PDZK1: variants seen among roughly 807,000 people sequenced by gnomAD.
PDZK1 encodes PDZ domain containing 1.
In PDZK1, 23 loss-of-function variants were observed where a neutral mutation model predicts 38.1. The observed-to-expected ratio is 0.60, with a 90% CI of 0.43 to 0.85. The LOEUF (loss-of-function observed/expected upper bound fraction) is 0.85. Ranked by LOEUF, PDZK1 falls within the 40% of genes least tolerant of loss-of-function variation. The pLI, the probability that PDZK1 is intolerant of heterozygous loss-of-function variation, is 0.00. For synonymous variants in PDZK1, 98 were observed against 186.2 expected (o/e 0.53, Z 3.86); for missense variants, 297 against 504.3 (o/e 0.59, Z 3.94).
chr1:145,686,491 A>G lies in PDZK1; in HGVS notation c.446T>C (p.Leu149Pro). Residue 149 changes from leucine to proline, a missense_variant, in exon 3 of 9, where the codon CTG becomes CCG. Around this residue, in one of 5 missense-constraint regions of PDZK1, gnomAD observed 159 missense variants for 200.0 expected, o/e 0.79. Coordinates refer to ENST00000417171, the MANE Select transcript of PDZK1 (RefSeq NM_001201325.2). ...AAAATTCTCACCTTGGACAGTTTTC[A>G]GAGAGAAGCCATAGCTGCCTCCTTC... ...VKEGGSYGFS[L>P]KTVQGKKGVY... The G allele has an allele frequency of 1.2e-6, 2 of 1,612,040 alleles. No homozygotes were observed. The highest frequency in any genetic ancestry group is 1.3e-5 in the African/African-American group (1 of 74,972).
At chr1:145,670,968 A>G (rs1216549256), downstream of PDZK1, 1 of 153,302 alleles carries the variant, frequency 6.5e-6, no homozygotes, top group Non-Finnish European at 1.4e-5. Flanking sequence ...CAAAAGCACT[A>G]TCAAGCATAC....
At position 145,692,926 on chromosome 1, in the gene PDZK1, G is replaced by A. The variant is rs587692134; in HGVS notation, c.-2-4903C>T. ...GGTGGCGGCGTGAGGCAGGAGAATC[G>A]CTTGAACCCGGGAGGTGGAGCTTGC... On this transcript the variant is annotated intron_variant, in intron 1 of 8. Coordinates refer to ENST00000417171, the MANE Select transcript of PDZK1 (RefSeq NM_001201325.2). Among the ~76,000 whole-genome samples the A allele has an allele frequency of 4.6e-4, 69 of 151,588 alleles. No homozygotes were observed. The East Asian group carries it at 0.012, about 26-fold the overall frequency.
chr1:145,695,202 C>T, intron 1 of PDZK1, among the ~76,000 whole-genome samples: 1 of 152,130 alleles, frequency 6.6e-6, no homozygotes, highest in South Asian at 2.1e-4. Context: ...GGGCAGATCA[C>T]TTGAGGTCAG....
At chr1:145,681,130 G>A (rs781927686) in intron 4 of PDZK1, 23 bp from the exon 5 acceptor site, 59 of 492,382 alleles carry the variant, frequency 1.2e-4, no homozygotes, top group East Asian at 1.2e-3. Context: ...ACACAGATGA[G>A]GAATGACATC....
chr1:145,690,978 G>C (rs1369971505), intron 1 of PDZK1, among the ~76,000 whole-genome samples: 1 of 152,122 alleles, frequency 6.6e-6, no homozygotes, highest in Admixed American at 6.5e-5. Flanking sequence ...TTTTTTGTCT[G>C]GTTGAAGCCA....
intron 1 of PDZK1, among the ~76,000 whole-genome samples, chr1:145,702,859 C>T (rs1553705190): frequency 6.6e-6 from 1 of 152,146 alleles, no homozygotes. Flanking sequence ...TGCCACTGCA[C>T]CCCAGCCTGG....
intron 2 of PDZK1, among the ~76,000 whole-genome samples, chr1:145,687,608 C>A (rs1553702095): frequency 6.6e-6 from 1 of 150,584 alleles, no homozygotes; most frequent in Non-Finnish European, 1.5e-5. Context: ...TAACGCTATT[C>A]AAATCCAAGA....
At chr1:145,676,076 T>C (rs1653632188) in intron 6 of PDZK1, 1 of 182,872 alleles carries the variant, frequency 5.5e-6, no homozygotes, top group Non-Finnish European at 1.0e-5. Flanking sequence ...GTCTAGTATG[T>C]GCCAGGGACT....
At chr1:145,675,323 C>T (rs1182761375) in intron 6 of PDZK1, among the ~76,000 whole-genome samples, 3 of 142,642 alleles carry the variant, frequency 2.1e-5, no homozygotes, top group Admixed American at 7.1e-5. Flanking sequence ...CACACGTGTC[C>T]GGAACATTTG....
chr1:145,685,817 A>C (rs1553701498), intron 3 of PDZK1, among the ~76,000 whole-genome samples: 1 of 152,172 alleles, frequency 6.6e-6, no homozygotes, highest in African/African-American at 2.4e-5. Flanking sequence ...AATTCTAGAA[A>C]TAGAACTTCT....
intron 4 of PDZK1, among the ~76,000 whole-genome samples, chr1:145,681,588 C>CTATTATTTT: frequency 7.2e-6 from 1 of 139,804 alleles, no homozygotes; most frequent in South Asian, 2.3e-4. Context: ...GCGCCCGGCC[C>CTATTATTTT]CTATCTCCAC....
intron 3 of PDZK1, among the ~76,000 whole-genome samples, chr1:145,684,194 C>A (rs1284301): frequency 1.5e-4 from 22 of 146,828 alleles, no homozygotes; most frequent in Middle Eastern, 3.4e-3. Flanking sequence ...CATCACTATC[C>A]TTGCATTTTT....
At chr1:145,695,281 G>A (rs1237843420) in intron 1 of PDZK1, among the ~76,000 whole-genome samples, 3 of 152,064 alleles carry the variant, frequency 2.0e-5, no homozygotes, top group Non-Finnish European at 4.4e-5. Flanking sequence ...AATTAGCCAG[G>A]CGTGGTGGTG....
chr1:145,698,264 AGAG>A (rs1389868228), intron 1 of PDZK1, among the ~76,000 whole-genome samples: 2 of 152,158 alleles, frequency 1.3e-5, no homozygotes, highest in African/African-American at 4.8e-5. Flanking sequence ...TGCCTGAGGA[AGAG>A]GAGGCCAGCA....
At chr1:145,697,480 A>G (rs1655692856) in intron 1 of PDZK1, among the ~76,000 whole-genome samples, 1 of 152,246 alleles carries the variant, frequency 6.6e-6, no homozygotes, top group Non-Finnish European at 1.5e-5. Context: ...ACAATGCCAA[A>G]TAATGCTAAG....
At chr1:145,696,393 A>G (rs1655630856) in intron 1 of PDZK1, among the ~76,000 whole-genome samples, 1 of 152,146 alleles carries the variant, frequency 6.6e-6, no homozygotes, top group Admixed American at 6.5e-5. Flanking sequence ...CAATTCATAC[A>G]TTGAAGCCCT....
rs138571289 is a variant in PDZK1, at chr1:145,701,201, T to G, written c.-3+6116A>C. On this transcript the variant is annotated intron_variant, in intron 1 of 8. Transcript: ENST00000417171. ...ACCTGGGCAACAGAGCGAGACTCCA[T>G]CTCAAAAAAAAAACAAACACTTAGC... Among the ~76,000 whole-genome samples the G allele has an allele frequency of 2.4e-3, 364 of 150,548 alleles. 1 individual carries two copies. Among genetic ancestry groups the G allele is most frequent in the Middle Eastern group, 0.014 (4 of 292 alleles).
intron 1 of PDZK1, among the ~76,000 whole-genome samples, chr1:145,699,247 A>T (rs1571638979): frequency 6.6e-6 from 1 of 152,126 alleles, no homozygotes; most frequent in East Asian, 1.9e-4. Flanking sequence ...AAATTTAAAA[A>T]AAAATAAAAT....
chr1:145,687,781 C>T, intron 2 of PDZK1, 31 bp downstream of exon 2: 5 of 1,560,016 alleles, frequency 3.2e-6, no homozygotes, highest in Non-Finnish European at 4.4e-6. Context: ...TGAAGAGATC[C>T]TGGAAGAAAA....
Sources: allele counts gnomAD v4.1 joint callset (sites outside exome capture counted in the v4.1 genomes callset), GRCh38; gene constraint gnomAD v4.1.1; regional missense constraint gnomAD v4.1.1; transcripts MANE v1.5; gene names NCBI Gene and HGNC (gene_info 2026-07-23, HGNC 2026-07-21).